IGBP1C: variants seen among roughly 807,000 people sequenced by gnomAD.
The protein encoded by IGBP1C is immunoglobulin-binding protein 1 family member C.
At chr17:58,662,131 A>G in the IGBP1C span, among the ~76,000 whole-genome samples, 5 of 146,924 alleles carry the variant, frequency 3.4e-5, no homozygotes, top group South Asian at 7.4e-4. Flanking sequence ...GTGAGCCACC[A>G]CGCCTGGCCT....
chr17:58,662,965 G>A, the IGBP1C span, among the ~76,000 whole-genome samples: 5 of 152,008 alleles, frequency 3.3e-5, no homozygotes, highest in East Asian at 3.9e-4. Context: ...AAAATTAGCC[G>A]GGCGTGGTGG....
chr17:58,683,774 A>G, the IGBP1C span, among the ~76,000 whole-genome samples: 21 of 126,834 alleles, frequency 1.7e-4, no homozygotes, highest in African/African-American at 5.8e-4. Context: ...AAAAAAAAAA[A>G]AGAGAGACTT....
the IGBP1C span, among the ~76,000 whole-genome samples, chr17:58,684,429 T>G: frequency 6.7e-6 from 1 of 149,572 alleles, no homozygotes; most frequent in Non-Finnish European, 1.5e-5. Flanking sequence ...ACCATTGCAC[T>G]CCAGCCTGGG....
At chr17:58,669,963 A>G in the IGBP1C span, among the ~76,000 whole-genome samples, 1 of 152,100 alleles carries the variant, frequency 6.6e-6, no homozygotes, top group African/African-American at 2.4e-5. Flanking sequence ...GGCTGGCTCC[A>G]TAGCTTTTCC....
At chr17:58,674,864 G>T in the IGBP1C span, among the ~76,000 whole-genome samples, 1 of 150,530 alleles carries the variant, frequency 6.6e-6, no homozygotes, top group African/African-American at 2.4e-5. Flanking sequence ...AGGCAGGTAG[G>T]CCGGGCACGG....
chr17:58,687,628 C>T, the IGBP1C span, among the ~76,000 whole-genome samples: 4 of 151,934 alleles, frequency 2.6e-5, no homozygotes, highest in South Asian at 8.4e-4. Flanking sequence ...CCACTGCACC[C>T]GGCCGTGGTC....
At chr17:58,661,459 GC>G in the IGBP1C span, 1 of 784,230 alleles carries the variant, frequency 1.3e-6, no homozygotes, top group Non-Finnish European at 2.4e-6. Flanking sequence ...GGAGGTCGAG[GC>G]CCTTGAACAC....
At chr17:58,660,727 T>G in the IGBP1C span, 1 of 781,458 alleles carries the variant, frequency 1.3e-6, no homozygotes, top group Non-Finnish European at 2.4e-6. Flanking sequence ...ATTCTTCTGG[T>G]GTTGCCTTGG....
the IGBP1C span, among the ~76,000 whole-genome samples, chr17:58,673,734 T>C: frequency 6.6e-6 from 1 of 151,814 alleles, no homozygotes; most frequent in Non-Finnish European, 1.5e-5. Flanking sequence ...GCTAATTTTT[T>C]CAATCTTTTT....
At chr17:58,688,160 G>A in the IGBP1C span, among the ~76,000 whole-genome samples, 1 of 151,846 alleles carries the variant, frequency 6.6e-6, no homozygotes, top group Admixed American at 6.6e-5. Flanking sequence ...TCCTCTTGTC[G>A]CCCAGGCTGG....
chr17:58,691,314 C>G, the IGBP1C span, among the ~76,000 whole-genome samples: 2 of 152,056 alleles, frequency 1.3e-5, no homozygotes, highest in African/African-American at 4.8e-5. Context: ...ATGTAGAGGG[C>G]TCTGATTTGC....
chr17:58,660,993 T>C, the IGBP1C span: 2 of 1,176,762 alleles, frequency 1.7e-6, no homozygotes, highest in Admixed American at 3.4e-5. Context: ...CTGATATCAA[T>C]CCACCTCTGA....
the IGBP1C span, among the ~76,000 whole-genome samples, chr17:58,683,910 C>CA: frequency 1.3e-5 from 2 of 150,982 alleles, no homozygotes; most frequent in Admixed American, 1.3e-4. Flanking sequence ...ACTAAAAATA[C>CA]AAAAATTAGC....
the IGBP1C span, among the ~76,000 whole-genome samples, chr17:58,677,967 T>C: frequency 6.5e-4 from 99 of 152,286 alleles, 1 homozygote; most frequent in African/African-American, 2.3e-3. Context: ...CTGGCCAACA[T>C]GGTGAAACCC....
At chr17:58,690,696 G>C in the IGBP1C span, among the ~76,000 whole-genome samples, 1 of 152,160 alleles carries the variant, frequency 6.6e-6, no homozygotes, top group Admixed American at 6.5e-5. Context: ...TTAAGCAATG[G>C]GTTGAGTGGC....
chr17:58,665,142 G>T, the IGBP1C span, among the ~76,000 whole-genome samples: 2 of 151,982 alleles, frequency 1.3e-5, no homozygotes, highest in Non-Finnish European at 2.9e-5. Context: ...ATTTTTAGTA[G>T]CTATATTATT....
At chr17:58,689,920 G>GC in the IGBP1C span, among the ~76,000 whole-genome samples, 171 of 150,466 alleles carry the variant, frequency 1.1e-3, 1 homozygote, top group Non-Finnish European at 1.8e-3. Context: ...CGTGATCTAG[G>GC]CTCACTGCAA....
At chr17:58,690,078 T>C in the IGBP1C span, among the ~76,000 whole-genome samples, 2 of 152,138 alleles carry the variant, frequency 1.3e-5, no homozygotes, top group Non-Finnish European at 1.5e-5. Flanking sequence ...CTCGATCTCC[T>C]GACCTTGTGA....
the IGBP1C span, among the ~76,000 whole-genome samples, chr17:58,667,154 T>C: frequency 6.6e-6 from 1 of 152,202 alleles, no homozygotes; most frequent in Non-Finnish European, 1.5e-5. Context: ...AGTCACGGGA[T>C]ACCCACGCTG....
Sources: allele counts gnomAD v4.1 joint callset (sites outside exome capture counted in the v4.1 genomes callset), GRCh38; gene constraint gnomAD v4.1.1; transcripts MANE v1.5; gene names NCBI Gene and HGNC (gene_info 2026-07-23, HGNC 2026-07-21).